The following CPXM2 variants were observed in gnomAD, a reference collection of about 807,000 sequenced individuals.
CPXM2 encodes inactive carboxypeptidase-like protein X2.
CPXM2 carries 66 observed loss-of-function variants against 86.1 expected under a neutral mutation model. The observed-to-expected ratio is 0.77, with a 90% confidence interval of 0.63 to 0.94. The LOEUF (loss-of-function observed/expected upper bound fraction) is 0.94, where lower values mean the gene tolerates loss of function less well. Among genes scored for constraint, CPXM2 ranks in the 40% least tolerant of loss-of-function variants. CPXM2 has a pLI of 0.00. For synonymous variants in CPXM2, 388 were observed against 400.2 expected, an observed-to-expected ratio of 0.97 and a Z score of 0.36; for missense variants, 948 against 1,026.3, an observed-to-expected ratio of 0.92 and a Z score of 1.04.
intron 1 of CPXM2, among the ~76,000 whole-genome samples, chr10:123,883,041 G>A (rs559103428): frequency 2.0e-5 from 3 of 147,888 alleles, no homozygotes; most frequent in Admixed American, 6.7e-5. Context: ...TCCACACCAC[G>A]GCCCTGCCAG....
At chr10:123,838,638 C>T (rs565125471) in intron 4 of CPXM2, among the ~76,000 whole-genome samples, 1 of 152,258 alleles carries the variant, frequency 6.6e-6, no homozygotes, top group South Asian at 2.1e-4. Flanking sequence ...CCTCCCTTTC[C>T]GTTTCTAAAA....
intron 4 of CPXM2, among the ~76,000 whole-genome samples, chr10:123,831,220 T>G (rs1270896169): frequency 6.6e-6 from 1 of 152,186 alleles, no homozygotes; most frequent in East Asian, 1.9e-4. Flanking sequence ...ACAGCCCCAG[T>G]GCAGAGAACT....
chr10:123,926,659 TG>T (rs1371663797), intron 2 of CPXM2, among the ~76,000 whole-genome samples: 2 of 152,248 alleles, frequency 1.3e-5, no homozygotes, highest in African/African-American at 4.8e-5. Flanking sequence ...GTCTGCCTTT[TG>T]TTTTTGTCCT....
At chr10:123,810,522 A>G (rs1349555395) in intron 4 of CPXM2, among the ~76,000 whole-genome samples, 2 of 152,128 alleles carry the variant, frequency 1.3e-5, no homozygotes, top group Admixed American at 6.5e-5. Flanking sequence ...AATAGAATTA[A>G]TAAGAGAGTT....
chr10:123,814,652 T>G (rs1015840881), intron 4 of CPXM2, among the ~76,000 whole-genome samples: 1 of 152,300 alleles, frequency 6.6e-6, no homozygotes, highest in Non-Finnish European at 1.5e-5. Flanking sequence ...TTAATATGAT[T>G]AGACCCAAAA....
intron 4 of CPXM2, among the ~76,000 whole-genome samples, chr10:123,811,685 T>C (rs1234020729): frequency 6.6e-6 from 1 of 152,212 alleles, no homozygotes; most frequent in Non-Finnish European, 1.5e-5. Context: ...TTTGAGCATA[T>C]TTAGCTGACA....
intron 2 of CPXM2, among the ~76,000 whole-genome samples, chr10:123,930,004 G>A (rs932776889): frequency 1.8e-4 from 27 of 152,306 alleles, no homozygotes; most frequent in East Asian, 5.8e-4. Context: ...TGCTGTGGGC[G>A]TGGCTGCCCA....
chr10:123,931,241 C>A (rs189869890), intron 2 of CPXM2, among the ~76,000 whole-genome samples: 1 of 151,140 alleles, frequency 6.6e-6, no homozygotes, highest in African/African-American at 2.5e-5. Context: ...GAGGCCGAAC[C>A]CCAGTAAAAA....
intron 7 of CPXM2, among the ~76,000 whole-genome samples, chr10:123,775,130 T>C (rs1392515350): frequency 6.6e-6 from 1 of 152,180 alleles, no homozygotes; most frequent in Non-Finnish European, 1.5e-5. Context: ...GGCTCTTCCC[T>C]TACCCCTATC....
intron 4 of CPXM2, among the ~76,000 whole-genome samples, chr10:123,821,365 T>C (rs117096897): frequency 0.019 from 2,894 of 152,304 alleles, 39 homozygotes; most frequent in South Asian, 0.044. Flanking sequence ...TTCTACACAA[T>C]GTTAGAAGTT....
At chr10:123,911,980 A>T (rs1945492133) in intron 2 of CPXM2, among the ~76,000 whole-genome samples, 1 of 152,130 alleles carries the variant, frequency 6.6e-6, no homozygotes, top group Non-Finnish European at 1.5e-5. Flanking sequence ...GAAAAGCTTT[A>T]GAACAGAAAG....
chr10:123,751,403 G>T, intron 13 of CPXM2: 1 of 460,538 alleles, frequency 2.2e-6, no homozygotes, highest in Non-Finnish European at 2.9e-6. Flanking sequence ...TCTACCCTTT[G>T]CCCTTCCGAA....
At chr10:123,894,267 G>C (rs112439060), upstream of CPXM2, among the ~76,000 whole-genome samples, 4 of 152,070 alleles carry the variant, frequency 2.6e-5, no homozygotes, top group African/African-American at 4.8e-5. Flanking sequence ...ACATATACCC[G>C]CTCTGCAGTG....
intron 2 of CPXM2, among the ~76,000 whole-genome samples, chr10:123,878,517 G>GTA (rs1182312681): frequency 6.9e-6 from 1 of 144,782 alleles, no homozygotes; most frequent in African/African-American, 2.8e-5. Flanking sequence ...GTGTGTGTGT[G>GTA]TGTGTGTGTG....
At chr10:123,748,114 C>T (rs1846003994) in intron 13 of CPXM2, among the ~76,000 whole-genome samples, 1 of 152,022 alleles carries the variant, frequency 6.6e-6, no homozygotes, top group African/African-American at 2.4e-5. Context: ...CTGAACACTC[C>T]AAGTGACTCT....
intron 4 of CPXM2, among the ~76,000 whole-genome samples, chr10:123,821,055 T>C (rs1030930971): frequency 6.6e-6 from 1 of 152,196 alleles, no homozygotes; most frequent in African/African-American, 2.4e-5. Flanking sequence ...TCCAGATCCC[T>C]TTCTATTCTG....
intron 2 of CPXM2, among the ~76,000 whole-genome samples, chr10:123,864,225 G>T (rs749138045): frequency 1.4e-5 from 2 of 144,836 alleles, no homozygotes; most frequent in South Asian, 4.5e-4. Flanking sequence ...TGTCCTGAGA[G>T]ATCCCGCCCA....
intron 4 of CPXM2, among the ~76,000 whole-genome samples, chr10:123,836,760 C>G (rs1470593241): frequency 6.6e-6 from 1 of 152,218 alleles, no homozygotes; most frequent in Non-Finnish European, 1.5e-5. Context: ...CTGCTCCCCA[C>G]CTTAACTATA....
chr10:123,834,752 G>T (rs1428178711), intron 4 of CPXM2, among the ~76,000 whole-genome samples: 1 of 152,200 alleles, frequency 6.6e-6, no homozygotes, highest in African/African-American at 2.4e-5. Context: ...TTAATGGGAG[G>T]TGTCTGGGTC....
Sources: gnomAD v4.1 joint callset for allele counts (sites outside exome capture counted in the v4.1 genomes callset) on GRCh38, gnomAD v4.1.1 for gene constraint, MANE v1.5 for transcripts, NCBI Gene and HGNC (gene_info 2026-07-23, HGNC 2026-07-21) for gene names.